AK4: variants seen among roughly 807,000 people sequenced by gnomAD.
AK4 encodes the protein adenylate kinase 4, mitochondrial.
Under a neutral mutation model 24.6 loss-of-function variants are expected in AK4, and 13 were observed. That is an observed-to-expected ratio of 0.53 (90% CI 0.34 to 0.84). The LOEUF (loss-of-function observed/expected upper bound fraction) is 0.84. Among genes scored for constraint, AK4 ranks in the 40% least tolerant of loss-of-function variants. The pLI, the probability that AK4 is intolerant of heterozygous loss-of-function variation, is 0.01. For synonymous variants in AK4, 88 were observed against 107.0 expected (o/e 0.82, Z 1.10); for missense variants, 192 against 288.2 (o/e 0.67, Z 2.42).
intron 1 of AK4, among the ~76,000 whole-genome samples, chr1:65,159,867 C>T (rs1557438554): frequency 6.7e-6 from 1 of 150,002 alleles, no homozygotes; most frequent in African/African-American, 2.5e-5. Flanking sequence ...ACTCGAGAGG[C>T]TGAGGTACAA....
At chr1:65,163,617 TC>T (rs1650239900) in intron 1 of AK4, among the ~76,000 whole-genome samples, 1 of 152,204 alleles carries the variant, frequency 6.6e-6, no homozygotes, top group Admixed American at 6.5e-5. Flanking sequence ...TTGCAGTTTG[TC>T]CACAAGTGTA....
intron 1 of AK4, among the ~76,000 whole-genome samples, chr1:65,167,490 A>G (rs1300222769): frequency 6.8e-6 from 1 of 147,572 alleles, no homozygotes; most frequent in East Asian, 2.0e-4. Flanking sequence ...GTATTACTTT[A>G]GTGGCTTAGT....
At chr1:65,206,748 C>T (rs1478289387) in intron 2 of AK4, among the ~76,000 whole-genome samples, 4 of 152,206 alleles carry the variant, frequency 2.6e-5, no homozygotes. Flanking sequence ...CACTGCCCTC[C>T]TTCCTGGGTG....
intron 2 of AK4, among the ~76,000 whole-genome samples, chr1:65,198,805 G>A (rs1256740252): frequency 6.6e-6 from 1 of 151,976 alleles, no homozygotes; most frequent in Admixed American, 6.6e-5. Flanking sequence ...AGTTGGGTGT[G>A]GTAGCTTATG....
chr1:65,188,808 G>T (rs1455798545), intron 1 of AK4, among the ~76,000 whole-genome samples: 1 of 144,980 alleles, frequency 6.9e-6, no homozygotes, highest in Non-Finnish European at 1.5e-5. Flanking sequence ...ATGGAGTCTC[G>T]CTGTCGCCTG....
chr1:65,196,660 T>C (rs571763662), intron 2 of AK4, among the ~76,000 whole-genome samples: 1 of 152,252 alleles, frequency 6.6e-6, no homozygotes, highest in Non-Finnish European at 1.5e-5. Flanking sequence ...GAGATGGGGT[T>C]GCACCATGTT....
At position 65,172,103 on chromosome 1, in the gene AK4, A is replaced by ATATATATATATATATATT. The variant is rs1553122938; in HGVS notation, c.146-18606_146-18605insATATATATATATATATTT. On this transcript the variant is annotated intron_variant, in intron 1 of 4. Coordinates refer to ENST00000327299, the MANE Select transcript of AK4 (RefSeq NM_013410.4). ...TATATATATATATATATATATATAT[A>ATATATATATATATATATT]TTTAAACTCATTACACTTCCCAAAT... Among the ~76,000 whole-genome samples the ATATATATATATATATATT allele has an allele frequency of 9.8e-4, 113 of 115,486 alleles. 3 individuals are homozygous for ATATATATATATATATATT. Among genetic ancestry groups the ATATATATATATATATATT allele is most frequent in the East Asian group, 3.0e-3 (10 of 3,286 alleles). The allele number at this position is 115,486 out of a possible 152,430, so 75.8% of individuals were successfully genotyped here. A position where few individuals can be genotyped will look rare whatever the true frequency, so the allele number is the denominator to read the frequency against.
At chr1:65,194,157 C>A (rs1478467635) in intron 2 of AK4, among the ~76,000 whole-genome samples, 2 of 152,164 alleles carry the variant, frequency 1.3e-5, no homozygotes, top group Non-Finnish European at 2.9e-5. Context: ...CTTCAATGGT[C>A]AACTGTATTT....
chr1:65,149,920 C>T (rs1472982393), intron 1 of AK4, among the ~76,000 whole-genome samples: 1 of 152,102 alleles, frequency 6.6e-6, no homozygotes, highest in Non-Finnish European at 1.5e-5. Context: ...GGAGAGCGGC[C>T]TGAGGGGGAA....
At chr1:65,156,413 G>T (rs548413229) in intron 1 of AK4, among the ~76,000 whole-genome samples, 1 of 152,086 alleles carries the variant, frequency 6.6e-6, no homozygotes, top group African/African-American at 2.4e-5. Context: ...TAGCAGTAAA[G>T]CTTAGATAGT....
chr1:65,193,172 G>T, intron 2 of AK4, among the ~76,000 whole-genome samples: 1 of 152,176 alleles, frequency 6.6e-6, no homozygotes, highest in Admixed American at 6.5e-5. Flanking sequence ...CCTACCAGGG[G>T]CATTCATTGA....
At chr1:65,184,053 A>G (rs1651005932) in intron 1 of AK4, among the ~76,000 whole-genome samples, 1 of 152,198 alleles carries the variant, frequency 6.6e-6, no homozygotes, top group Non-Finnish European at 1.5e-5. Context: ...GCACAGTTTA[A>G]TAGTCTTAAA....
chr1:65,148,224 C>T lies in AK4; in HGVS notation c.-184C>T, dbSNP rs545648428. 3.3e-6 allele frequency: 4 copies of T among 1,225,368 alleles called. No homozygotes were observed. The Admixed American group carries it at 9.0e-5, about 28-fold the overall frequency. The allele number at this position is 1,225,368 out of a possible 1,614,324, so 75.9% of individuals were successfully genotyped here. ...GCTCAGTCCGCCTGCTACTCGGTCC[C>T]GGCGCTGGGCTGAGGGGAGGGGTTG... is the stretch of plus-strand genomic sequence containing the variant. On this transcript the variant is annotated 5_prime_UTR_variant, in exon 1 of 5. Transcript: ENST00000327299.
intron 1 of AK4, among the ~76,000 whole-genome samples, chr1:65,157,839 G>T (rs1650029593): frequency 6.6e-6 from 1 of 152,086 alleles, no homozygotes; most frequent in Admixed American, 6.6e-5. Flanking sequence ...GCTTACAGAA[G>T]AGGCAGCTAA....
At position 65,228,751 on chromosome 1, in the gene AK4, C is replaced by T. The variant is rs1300175772; in HGVS notation, c.*2574C>T. ...TTTTTTTTCTATTGCCACACATGAC[C>T]GTTCCTTCACCTTTAAGCAAAGAGA... On this transcript the variant is annotated 3_prime_UTR_variant, in exon 5 of 5. Coordinates refer to ENST00000327299, the MANE Select transcript of AK4 (RefSeq NM_013410.4). 5.3e-5 allele frequency: 8 copies of T among 151,314 alleles called. 1 individual carries two copies. The highest frequency in any genetic ancestry group is 4.6e-4 in the Admixed American group (7 of 15,198). 9.4% of individuals were successfully genotyped at this position (151,314 alleles called of 1,614,324 possible).
At chr1:65,202,866 CTTTTTTTTTTT>C (rs34143736) in intron 2 of AK4, among the ~76,000 whole-genome samples, 2 of 91,814 alleles carry the variant, frequency 2.2e-5, no homozygotes, top group Non-Finnish European at 3.9e-5. Context: ...GCTGTGTAGT[CTTTTTTTTTTT>C]TTTTTTTTTT....
chr1:65,172,500 A>G (rs930085931), intron 1 of AK4, among the ~76,000 whole-genome samples: 1 of 152,168 alleles, frequency 6.6e-6, no homozygotes, highest in Non-Finnish European at 1.5e-5. Flanking sequence ...AATTTCATGA[A>G]TGTGCTGTTT....
At chr1:65,215,176 C>CTTTTT (rs1553127383) in intron 2 of AK4, among the ~76,000 whole-genome samples, 2 of 114,634 alleles carry the variant, frequency 1.7e-5, no homozygotes. Context: ...TTCTTTCTTT[C>CTTTTT]TTTTTTTTTT....
chr1:65,170,525 G>T (rs565695929), intron 1 of AK4, among the ~76,000 whole-genome samples: 1 of 152,230 alleles, frequency 6.6e-6, no homozygotes, highest in South Asian at 2.1e-4. Flanking sequence ...TAGCTTATGC[G>T]TAGAGGAGCC....
Sources: gnomAD v4.1 joint callset for allele counts (sites outside exome capture counted in the v4.1 genomes callset) on GRCh38, gnomAD v4.1.1 for gene constraint, MANE v1.5 for transcripts, NCBI Gene and HGNC (gene_info 2026-07-23, HGNC 2026-07-21) for gene names.